Variants in ABLIM2 observed in about 807,000 individuals in gnomAD.
The protein encoded by ABLIM2 is actin binding LIM protein family member 2.
In ABLIM2, 53 loss-of-function variants were observed where a neutral mutation model predicts 97.7. The observed-to-expected ratio is 0.54, with a 90% CI of 0.44 to 0.68. The LOEUF (loss-of-function observed/expected upper bound fraction) is 0.68. ABLIM2 is among the 30% of genes least tolerant of loss of function. ABLIM2 has a pLI of 0.00. For synonymous variants in ABLIM2, 361 were observed against 345.8 expected (o/e 1.04, Z -0.49); for missense variants, 835 against 867.2 (o/e 0.96, Z 0.47).
At chr4:8,070,623 A>G (rs1169208328) in intron 6 of ABLIM2, among the ~76,000 whole-genome samples, 2 of 152,178 alleles carry the variant, frequency 1.3e-5, no homozygotes, top group Non-Finnish European at 2.9e-5. Flanking sequence ...TCCCTGACCC[A>G]GGGCAGAGAG....
rs376656738 is a variant in ABLIM2 at position 8,008,042 on chromosome 4, T to C, written c.1618+17A>G. On this transcript the variant is annotated intron_variant, in intron 16 of 20. Coordinates refer to ENST00000447017, the MANE Select transcript of ABLIM2 (RefSeq NM_001130083.2). ...TTTTGTGCACATCACGGCTCCTTCTTCAAAAGAACCACTCACGTGAGTGAA... is the reference window on the plus strand; with the variant it reads ...TTTTGTGCACATCACGGCTCCTTCTCCAAAAGAACCACTCACGTGAGTGAA... 1.9e-6 allele frequency: 3 copies of C among 1,613,096 alleles called. No homozygotes were observed. The highest frequency in any genetic ancestry group is 2.5e-6 in the Non-Finnish European group (3 of 1,179,314).
intron 1 of ABLIM2, among the ~76,000 whole-genome samples, chr4:8,151,879 G>A (rs577443981): frequency 1.3e-5 from 2 of 151,920 alleles, no homozygotes; most frequent in East Asian, 3.9e-4. Flanking sequence ...AGTCGGAGCA[G>A]AGGGTCAGGG....
intron 1 of ABLIM2, among the ~76,000 whole-genome samples, chr4:8,116,218 CA>C (rs1842715558): frequency 6.6e-6 from 1 of 152,234 alleles, no homozygotes; most frequent in Non-Finnish European, 1.5e-5. Flanking sequence ...GTTTGTTAGG[CA>C]GCCATTGAAA....
At chr4:8,157,766 G>A (rs1037753433) in intron 1 of ABLIM2, among the ~76,000 whole-genome samples, 8 of 152,252 alleles carry the variant, frequency 5.3e-5, no homozygotes, top group African/African-American at 1.7e-4. Flanking sequence ...CAGTGAGCCC[G>A]GGGTTCGAAT....
Position 7,984,853 on chromosome 4 carries a change from C to T in ABLIM2, c.1721G>A (p.Ser574Asn), listed in dbSNP as rs906053631. 1 of 1,606,002 alleles carries T rather than the reference C, an allele frequency of 6.2e-7. No individual in the cohort carries two copies. The highest frequency in any genetic ancestry group is 1.3e-5 in the African/African-American group (1 of 74,944). The change falls in exon 18 of 21, where the codon AGC becomes AAC. Residue 574 changes from serine to asparagine, a missense_variant. Ser to Asn is a conservative substitution (Grantham distance 46). Transcript: ENST00000447017. ...LAPCGADPDASWGMREYKIYP... is the reference protein window; with the variant it reads ...LAPCGADPDANWGMREYKIYP... The stretch of plus-strand genomic sequence containing the variant: ...GCTCTGTGTACCTCGCATGCCCCAG[C>T]TGGCATCCGGGTCTGCTCCACAGGG...
intron 2 of ABLIM2, among the ~76,000 whole-genome samples, chr4:8,098,450 G>A (rs1577793524): frequency 6.6e-6 from 1 of 152,146 alleles, no homozygotes; most frequent in Non-Finnish European, 1.5e-5. Context: ...GTGGGATATC[G>A]AGGCCAAAGC....
At chr4:8,118,542 A>G (rs1194650313) in intron 1 of ABLIM2, among the ~76,000 whole-genome samples, 1 of 152,042 alleles carries the variant, frequency 6.6e-6, no homozygotes, top group Non-Finnish European at 1.5e-5. Context: ...CACAAGCTGC[A>G]CCCCTCTGCT....
intron 20 of ABLIM2, among the ~76,000 whole-genome samples, chr4:7,982,768 ATCTC>A (rs1338952152): frequency 6.6e-6 from 1 of 152,076 alleles, no homozygotes; most frequent in Admixed American, 6.5e-5. Context: ...CAGTGGCGCC[ATCTC>A]GGCTCACTGC....
intron 9 of ABLIM2, among the ~76,000 whole-genome samples, chr4:8,042,301 G>C (rs1363830121): frequency 6.6e-6 from 1 of 152,160 alleles, no homozygotes; most frequent in East Asian, 1.9e-4. Flanking sequence ...CTAGAAACAT[G>C]AGTCTAACCT....
intron 7 of ABLIM2, among the ~76,000 whole-genome samples, chr4:8,056,449 T>C (rs1211601700): frequency 6.6e-6 from 1 of 151,500 alleles, no homozygotes; most frequent in Admixed American, 6.6e-5. Flanking sequence ...TACAGAAGCA[T>C]AGCACCATGC....
At chr4:7,984,467 C>T (rs564354313) in intron 18 of ABLIM2, among the ~76,000 whole-genome samples, 41 of 152,320 alleles carry the variant, frequency 2.7e-4, no homozygotes, top group East Asian at 9.6e-4. Context: ...GTTCACGCGG[C>T]GTGCCGGCAG....
chr4:8,135,372 T>C (rs1850041118), intron 1 of ABLIM2, among the ~76,000 whole-genome samples: 1 of 152,240 alleles, frequency 6.6e-6, no homozygotes, highest in Non-Finnish European at 1.5e-5. Flanking sequence ...TCTGAATGCC[T>C]GCGTTCCCCA....
chr4:8,121,627 G>C (rs1561550202), intron 1 of ABLIM2, among the ~76,000 whole-genome samples: 1 of 152,216 alleles, frequency 6.6e-6, no homozygotes, highest in Non-Finnish European at 1.5e-5. Flanking sequence ...CAGGCTCCCA[G>C]CCCAGGGCTT....
At position 8,124,774 on chromosome 4, in the gene ABLIM2, A is replaced by G. The variant is rs1485780748; in HGVS notation, c.11-18137T>C. 2.6e-5 allele frequency among the ~76,000 whole-genome samples: 4 copies of G among 152,222 alleles called. No homozygotes were observed. The highest frequency in any genetic ancestry group is 9.6e-5 in the African/African-American group (4 of 41,458). ...TTGCATGCTTTTTGGGTAGATACCC[A>G]GGAGTGGAGTTGCTGGGTCCTGTGG... On this transcript the variant is annotated intron_variant, in intron 1 of 20. Coordinates refer to ENST00000447017, the MANE Select transcript of ABLIM2 (RefSeq NM_001130083.2). This position sits in a 1 kb window ranked among gnomAD's most constrained non-coding sequence, Gnocchi z 6.1.
intron 2 of ABLIM2, among the ~76,000 whole-genome samples, chr4:8,101,670 T>A (rs1305133025): frequency 2.0e-5 from 3 of 152,092 alleles, no homozygotes; most frequent in African/African-American, 7.2e-5. Context: ...GTGGACTTGC[T>A]CAGTTCCACT....
rs1167058511 is a variant in ABLIM2 at position 8,124,515 on chromosome 4, C to T, written c.11-17878G>A. On this transcript the variant is annotated intron_variant, in intron 1 of 20. Transcript: ENST00000447017. The surrounding 1 kb of genome is among the most constrained non-coding windows in gnomAD (Gnocchi z 6.1). ...CGAACGGAATCCCACACTGCGTGGTCCTTCGCGACTGGCTTCTTTCACTCG... is the reference window on the plus strand; with the variant it reads ...CGAACGGAATCCCACACTGCGTGGTTCTTCGCGACTGGCTTCTTTCACTCG... Among the ~76,000 whole-genome samples the T allele has an allele frequency of 6.6e-6, 1 of 152,150 alleles. No individual in the cohort carries two copies. Among genetic ancestry groups the T allele is most frequent in the Non-Finnish European group, 1.5e-5 (1 of 68,034 alleles).
rs1791382898 is a variant in ABLIM2, at chr4:8,045,019, C to T, written c.900+145G>A. On this transcript the variant is annotated intron_variant, in intron 9 of 20. Transcript: ENST00000447017. ...GCCTGTACCAACCTCCACCCCGAAG[C>T]AGGGACAAGAGCAATGGCCGTACCT... is the stretch of plus-strand genomic sequence containing the variant. 10 of 712,188 alleles carry T rather than the reference C, an allele frequency of 1.4e-5. No individual in the cohort carries two copies. The East Asian group carries it at 2.6e-4, about 18-fold the overall frequency. 44.1% of individuals were successfully genotyped at this position (712,188 alleles called of 1,614,324 possible).
In ABLIM2 at chr4:8,061,017, CAT is replaced by C. The variant is rs764953840; in HGVS notation, c.711_712del (p.Val239GlnfsTer31). On this transcript the variant is annotated frameshift_variant, in exon 7 of 21. Coordinates refer to ENST00000447017, the MANE Select transcript of ABLIM2 (RefSeq NM_001130083.2). LOFTEE classifies it high-confidence loss of function. This position sits in a 1 kb window ranked among gnomAD's most constrained non-coding sequence, Gnocchi z 4.5. ...TGCAAACATCTGGCCGCACCTGACA[CAT>C]AGCGCGCAGGAAGGGTGGTAGTGCT... 6.3e-7 allele frequency: 1 copy of C among 1,599,334 alleles called. No individual in the cohort carries two copies. The highest frequency in any genetic ancestry group is 1.1e-5 in the South Asian group (1 of 88,228).
chr4:8,109,443 TCTC>T (rs1325055166), intron 1 of ABLIM2, among the ~76,000 whole-genome samples: 4 of 152,172 alleles, frequency 2.6e-5, no homozygotes, highest in Non-Finnish European at 5.9e-5. Flanking sequence ...GCCTGGAAGG[TCTC>T]CTCATCTCCC....
Sources: allele counts gnomAD v4.1 joint callset (sites outside exome capture counted in the v4.1 genomes callset), GRCh38; gene constraint gnomAD v4.1.1; non-coding constraint Gnocchi (gnomAD v3.1); transcripts MANE v1.5; gene names NCBI Gene and HGNC (gene_info 2026-07-23, HGNC 2026-07-21).